The following P3H1 variants were observed in gnomAD, a reference collection of about 807,000 sequenced individuals.
P3H1 encodes the protein prolyl 3-hydroxylase 1, also known as growth suppressor 1.
P3H1 carries 69 observed loss-of-function variants against 84.0 expected under a neutral mutation model. The ratio of observed to expected loss-of-function variants is 0.82; its 90% CI spans 0.68 to 1.00. P3H1 has a LOEUF of 1.00. Ranked by LOEUF, P3H1 falls within the 50% of genes least tolerant of loss-of-function variation. The probability of loss-of-function intolerance (pLI) is 0.00; values close to 1 mark genes in which losing one functional copy is unlikely to be tolerated. For synonymous variants in P3H1, 366 were observed against 388.8 expected (o/e 0.94, Z 0.69); for missense variants, 878 against 962.8 (o/e 0.91, Z 1.17).
At chr1:42,757,680 C>A (rs1357952114) in intron 5 of P3H1, 103 bp downstream of exon 5, 11 of 1,557,366 alleles carry the variant, frequency 7.1e-6, no homozygotes, top group Non-Finnish European at 9.7e-6. Context: ...ACATCTGGCC[C>A]CTGCCCTGCA....
intron 11 of P3H1, among the ~76,000 whole-genome samples, chr1:42,749,164 T>G (rs548143624): frequency 6.6e-6 from 1 of 152,354 alleles, no homozygotes; most frequent in South Asian, 2.1e-4. Context: ...CTTCACTGCT[T>G]GATGAGGCCT....
chr1:42,754,919 A>T lies in P3H1; in HGVS notation c.1295T>A (p.Val432Glu). The T allele has an allele frequency of 6.2e-7, 1 of 1,614,114 alleles. No homozygotes were observed. Among genetic ancestry groups the T allele is most frequent in the Non-Finnish European group, 8.5e-7 (1 of 1,180,022 alleles). Residue 432 changes from valine (V) to glutamate (E), a missense_variant, in exon 8 of 15, where the codon GTG becomes GAG. Transcript: ENST00000296388. This position sits in a 1 kb window ranked among gnomAD's most constrained non-coding sequence, Gnocchi z 4.0. ...GNLMKEIETLVEEKTKESLDV... is the reference protein window; with the variant it reads ...GNLMKEIETLEEEKTKESLDV... The stretch of plus-strand genomic sequence containing the variant: ...CAGTGACTCCTTGGTCTTCTCTTCC[A>T]CAAGGGTCTCGATTTCCTTCATAAG...
At chr1:42,750,753 C>T (rs1387704918) in intron 10 of P3H1, among the ~76,000 whole-genome samples, 3 of 144,498 alleles carry the variant, frequency 2.1e-5, no homozygotes, top group African/African-American at 5.2e-5. Context: ...CGCCTCTGCC[C>T]GGCCGCCCCT....
chr1:42,766,449 C>T (rs1653003203), intron 1 of P3H1, 58 bp downstream of exon 1: 1 of 1,464,122 alleles, frequency 6.8e-7, no homozygotes, highest in African/African-American at 1.4e-5. Context: ...CTCAGGTCCC[C>T]TGCAACACTC....
At position 42,750,677 on chromosome 1, in the gene P3H1, G is replaced by A. The variant is rs1349895789; in HGVS notation, c.1570-341C>T. Among the ~76,000 whole-genome samples the A allele has an allele frequency of 4.9e-4, 50 of 101,678 alleles. 1 individual carries two copies. Among genetic ancestry groups the A allele is most frequent in the African/African-American group, 2.1e-3 (47 of 21,912 alleles). 66.7% of individuals were successfully genotyped at this position (101,678 alleles called of 152,430 possible). A position where few individuals can be genotyped will look rare whatever the true frequency, so the allele number is the denominator to read the frequency against. ...GGGGGGGTGGTCGGCCAGCCGCCCC[G>A]TCCGGGAGGGAGGTGGGGGGGTCAG... On this transcript the variant is annotated intron_variant, in intron 10 of 14. Transcript: ENST00000296388.
At chr1:42,764,649 A>C (rs1164802830) in intron 1 of P3H1, among the ~76,000 whole-genome samples, 2 of 152,152 alleles carry the variant, frequency 1.3e-5, no homozygotes, top group African/African-American at 4.8e-5. Flanking sequence ...GGTGCTGGGC[A>C]CAGATTAAGT....
At chr1:42,762,607 C>A in intron 1 of P3H1, 132 bp from the exon 2 acceptor site, 2 of 936,202 alleles carry the variant, frequency 2.1e-6, no homozygotes, top group Non-Finnish European at 3.4e-6. Flanking sequence ...CCAGCCCCTG[C>A]CAGCCCCAGG....
intron 11 of P3H1, chr1:42,748,639 G>A (rs1423287883): frequency 2.6e-6 from 1 of 377,672 alleles, no homozygotes; most frequent in African/African-American, 2.1e-5. Context: ...GTGAGAATGA[G>A]GGATCAGGAG....
chr1:42,762,646 G>A (rs769319871), intron 1 of P3H1, among the ~76,000 whole-genome samples, 171 bp from the exon 2 acceptor site: 12 of 152,172 alleles, frequency 7.9e-5, no homozygotes, highest in African/African-American at 1.2e-4. Context: ...AACTACCCAC[G>A]ACAGATTAGG....
At chr1:42,758,194 G>A (rs1234812178) in intron 4 of P3H1, among the ~76,000 whole-genome samples, 1 of 152,208 alleles carries the variant, frequency 6.6e-6, no homozygotes, top group East Asian at 1.9e-4. Flanking sequence ...TTCTCTGCAT[G>A]CCCACATCTT....
At chr1:42,762,089 T>C (rs1570478834) in intron 2 of P3H1, 1 of 502,878 alleles carries the variant, frequency 2.0e-6, no homozygotes, top group Non-Finnish European at 3.6e-6. Context: ...ACTTCTGTAA[T>C]GTAATTAGAA....
At chr1:42,750,721 G>A (rs1256845107) in intron 10 of P3H1, among the ~76,000 whole-genome samples, 2 of 123,790 alleles carry the variant, frequency 1.6e-5, no homozygotes, top group African/African-American at 3.4e-5. Context: ...CCGGCCGGCC[G>A]CCCTGTCCGG....
intron 11 of P3H1, 123 bp from the exon 12 acceptor site, chr1:42,748,440 G>A: frequency 1.3e-6 from 1 of 795,650 alleles, no homozygotes. Flanking sequence ...TGAACTAGGG[G>A]GGTGTCTTTG....
Position 42,747,432 on chromosome 1 carries a change from AG to A in P3H1, c.1915-21del. ...CTCTGCCTAAGGGGGACAGAAAGGG[AG>A]GGGGGTTGCACAGGACAAAGACTGT... On this transcript the variant is annotated intron_variant, in intron 13 of 14. Coordinates refer to ENST00000296388, the MANE Select transcript of P3H1 (RefSeq NM_022356.4). 1.2e-6 allele frequency: 2 copies of A among 1,604,906 alleles called. No homozygotes were observed. The highest frequency in any genetic ancestry group is 2.2e-5 in the East Asian group (1 of 44,770).
At position 42,766,460 on chromosome 1, in the gene P3H1, C is replaced by T. The variant is rs1197232227; in HGVS notation, c.465+47G>A. The T allele has an allele frequency of 4.6e-6, 7 of 1,509,858 alleles. No individual in the cohort carries two copies. In the East Asian group the frequency reaches 1.2e-4, roughly 26 times the overall value. 93.5% of individuals were successfully genotyped at this position (1,509,858 alleles called of 1,614,324 possible). A position where few individuals can be genotyped will look rare whatever the true frequency, so the allele number is the denominator to read the frequency against. ...GCTCCTCAGGTCCCCTGCAACACTC[C>T]TCTCCCCAGAAGGACCCCGGCCGCC... On this transcript the variant is annotated intron_variant, in intron 1 of 14. Transcript: ENST00000296388.
chr1:42,758,884 T>C lies in P3H1; in HGVS notation c.908A>G (p.His303Arg), dbSNP rs1191275386. The C allele has an allele frequency of 6.2e-7, 1 of 1,614,138 alleles. No individual in the cohort carries two copies. Among genetic ancestry groups the C allele is most frequent in the Admixed American group, 1.7e-5 (1 of 60,004 alleles). The change falls in exon 4 of 15, where the codon CAT becomes CGT. Residue 303 changes from histidine (H) to arginine (R), a missense_variant. His to Arg is a conservative substitution (Grantham distance 29). Coordinates refer to ENST00000296388, the MANE Select transcript of P3H1 (RefSeq NM_022356.4). ...GTAGGCAAACTGCAGATAATTATAATGCGATGGGAGGAAGTCTTCAAAGGG... is the reference window on the plus strand; with the variant it reads ...GTAGGCAAACTGCAGATAATTATAACGCGATGGGAGGAAGTCTTCAAAGGG... ...EKPFEDFLPS[H>R]YNYLQFAYYN...
At chr1:42,753,811 T>C (rs1652238664) in intron 8 of P3H1, among the ~76,000 whole-genome samples, 2 of 151,814 alleles carry the variant, frequency 1.3e-5, no homozygotes, top group African/African-American at 4.8e-5. Context: ...TAATCCCAGC[T>C]ACTTGGGAGG....
intron 2 of P3H1, 59 bp downstream of exon 2, chr1:42,762,264 C>CT: frequency 1.3e-6 from 2 of 1,568,990 alleles, no homozygotes; most frequent in South Asian, 2.2e-5. Context: ...GAGCAAGACT[C>CT]TGTCTCTAAA....
intron 1 of P3H1, among the ~76,000 whole-genome samples, chr1:42,763,672 CAAAAAAAAAAAAAA>C (rs766034061): frequency 2.4e-5 from 1 of 41,502 alleles, no homozygotes; most frequent in East Asian, 7.7e-4. Context: ...ACTCTTGTCT[CAAAAAAAAAAAAAA>C]AAAAAAAAAA....
Sources: allele counts gnomAD v4.1 joint callset (sites outside exome capture counted in the v4.1 genomes callset), GRCh38; gene constraint gnomAD v4.1.1; non-coding constraint Gnocchi (gnomAD v3.1); transcripts MANE v1.5; gene names NCBI Gene and HGNC (gene_info 2026-07-23, HGNC 2026-07-21).